The following ATP6V0D1 variants were observed in gnomAD, a reference collection of about 807,000 sequenced individuals.
The protein encoded by ATP6V0D1 is V-type proton ATPase subunit d 1.
A neutral mutation model predicts 39.0 loss-of-function variants in ATP6V0D1; 13 were observed. The ratio of observed to expected loss-of-function variants is 0.33; its 90% CI spans 0.22 to 0.53. The LOEUF is 0.53. ATP6V0D1 is among the 20% of genes least tolerant of loss of function. The probability of loss-of-function intolerance (pLI) is 0.94; values close to 1 mark genes in which losing one functional copy is unlikely to be tolerated. For missense variants in ATP6V0D1, 272 were observed against 470.9 expected, an observed-to-expected ratio of 0.58 and a Z score of 3.91; for synonymous variants, 191 against 191.2, an observed-to-expected ratio of 1.00 and a Z score of 0.01.
Position 67,453,913 on chromosome 16 carries a change from G to A in ATP6V0D1, c.131-198C>T, listed in dbSNP as rs1477869043. Among the ~76,000 whole-genome samples the A allele has an allele frequency of 2.0e-5, 3 of 152,098 alleles. No homozygotes were observed. Among genetic ancestry groups the A allele is most frequent in the Non-Finnish European group, 4.4e-5 (3 of 68,026 alleles). The stretch of plus-strand genomic sequence containing the variant: ...GGCCCTGGAGATGCACCAGATCTTT[G>A]GGCCACAATCCAGCACATGGAGCCC... On this transcript the variant is annotated intron_variant, in intron 1 of 7. Transcript: ENST00000290949. This position sits in a 1 kb window ranked among gnomAD's most constrained non-coding sequence, Gnocchi z 4.1.
At chr16:67,451,974 C>G (rs1035330284) in intron 2 of ATP6V0D1, among the ~76,000 whole-genome samples, 1 of 152,250 alleles carries the variant, frequency 6.6e-6, no homozygotes, top group Non-Finnish European at 1.5e-5. Flanking sequence ...GGGGTCAGGC[C>G]TCCTCTGGCC....
rs911782960 is a variant in ATP6V0D1, at chr16:67,442,235, G to T, written c.561+864C>A. 2.0e-5 allele frequency among the ~76,000 whole-genome samples: 3 copies of T among 152,246 alleles called. No individual in the cohort carries two copies. In the East Asian group the frequency reaches 5.8e-4, roughly 29 times the overall value. On this transcript the variant is annotated intron_variant, in intron 4 of 7. Coordinates refer to ENST00000290949, the MANE Select transcript of ATP6V0D1 (RefSeq NM_004691.5). The stretch of plus-strand genomic sequence containing the variant: ...GCTGCAGCCAAATGTCAGCCAGCTC[G>T]CTCCAACCAGGGCAGGAGAGGACTC...
intron 1 of ATP6V0D1, among the ~76,000 whole-genome samples, chr16:67,462,532 A>T (rs1347813122): frequency 6.6e-6 from 1 of 152,202 alleles, no homozygotes; most frequent in Admixed American, 6.5e-5. Context: ...CTGTGCTCAA[A>T]AGCTGGCCGA....
At chr16:67,470,225 C>T (rs980353728) in intron 1 of ATP6V0D1, among the ~76,000 whole-genome samples, 2 of 152,102 alleles carry the variant, frequency 1.3e-5, no homozygotes, top group African/African-American at 2.4e-5. Context: ...GTTGCAGGGT[C>T]GCACGGTATA....
chr16:67,476,663 C>T (rs910981116), intron 1 of ATP6V0D1, among the ~76,000 whole-genome samples: 1 of 152,090 alleles, frequency 6.6e-6, no homozygotes, highest in African/African-American at 2.4e-5. Flanking sequence ...CCCGATGAAA[C>T]GATGGCTTCA....
At chr16:67,466,789 C>T (rs765303464) in intron 1 of ATP6V0D1, among the ~76,000 whole-genome samples, 3 of 151,728 alleles carry the variant, frequency 2.0e-5, no homozygotes, top group Non-Finnish European at 2.9e-5. Context: ...AGAGTGAGGC[C>T]CTGTCTCAAA....
In ATP6V0D1 at chr16:67,444,512, C is replaced by A; in HGVS notation, c.481+16G>T. 6.3e-7 allele frequency: 1 copy of A among 1,578,086 alleles called. No homozygotes were observed. The highest frequency in any genetic ancestry group is 1.1e-5 in the South Asian group (1 of 88,098). On this transcript the variant is annotated intron_variant, in intron 3 of 7. Coordinates refer to ENST00000290949, the MANE Select transcript of ATP6V0D1 (RefSeq NM_004691.5). The surrounding 1 kb of genome is among the most constrained non-coding windows in gnomAD (Gnocchi z 4.8). ...GACACCACTGCCCACCTCCCATGAC[C>A]ACCACAGCGGCTCACCAAGAGGCGT...
At chr16:67,468,241 A>G (rs1392599673) in intron 1 of ATP6V0D1, among the ~76,000 whole-genome samples, 3 of 152,148 alleles carry the variant, frequency 2.0e-5, no homozygotes. Context: ...GCAGTGGGTC[A>G]TGATCATGCC....
intron 2 of ATP6V0D1, chr16:67,446,030 C>G (rs973240426): frequency 1.8e-5 from 8 of 448,586 alleles, no homozygotes; most frequent in South Asian, 3.1e-5. Flanking sequence ...GGGTCTTGTC[C>G]TAGCTTCTGA....
At chr16:67,461,993 G>C (rs2041292673) in intron 1 of ATP6V0D1, among the ~76,000 whole-genome samples, 1 of 152,166 alleles carries the variant, frequency 6.6e-6, no homozygotes, top group African/African-American at 2.4e-5. Context: ...CATCCTAGGA[G>C]GAAGTCAACT....
In ATP6V0D1 at chr16:67,453,623, T is replaced by C. The variant is rs759428570; in HGVS notation, c.223A>G (p.Lys75Glu). The C allele has an allele frequency of 6.2e-7, 1 of 1,614,196 alleles. No homozygotes were observed. The highest frequency in any genetic ancestry group is 1.1e-5 in the South Asian group (1 of 91,082). ...CGGAACTCCACCACCATCTTCTCCT[T>C]GAGCCGGTCATCGATGACTGACACC... ...LTVSVIDDRL[K>E]EKMVVEFRHM... The change falls in exon 2 of 8, where the codon AAG becomes GAG. Residue 75 changes from lysine to glutamate, a missense_variant. Physicochemically the swap from Lys to Glu is moderately conservative, Grantham distance 56. Transcript: ENST00000290949. The surrounding 1 kb of genome is among the most constrained non-coding windows in gnomAD (Gnocchi z 4.1).
rs200145351 is a variant in ATP6V0D1 at position 67,444,535 on chromosome 16, C to T, written c.474G>A (p.Thr158=). ...ACCACCACAGCGGCTCACCAAGAGG[C>T]GTGTCCACCAGAATGGCATTGTAGA... ...AELYNAILVD[T]PLAAFFQDCI... The change falls in exon 3 of 8, where the codon ACG becomes ACA. Residue 158 remains threonine, a synonymous_variant. Transcript: ENST00000290949. This position sits in a 1 kb window ranked among gnomAD's most constrained non-coding sequence, Gnocchi z 4.8. 4.9e-5 allele frequency: 79 copies of T among 1,596,454 alleles called. No homozygotes were observed. The highest frequency in any genetic ancestry group is 5.8e-5 in the Non-Finnish European group (68 of 1,166,584).
rs540030333 is a variant in ATP6V0D1, at chr16:67,478,472, G to A, written c.130+2485C>T. 3.3e-5 allele frequency among the ~76,000 whole-genome samples: 5 copies of A among 152,154 alleles called. No homozygotes were observed. The East Asian group carries it at 9.7e-4, about 29-fold the overall frequency. On this transcript the variant is annotated intron_variant, in intron 1 of 7. Coordinates refer to ENST00000290949, the MANE Select transcript of ATP6V0D1 (RefSeq NM_004691.5). ...CTAAAAAATACAAAAAAATTAGCTG[G>A]GCATGGTGGCACATGCCTGTAATCC...
chr16:67,480,870 AC>A (rs141369856), intron 1 of ATP6V0D1, 86 bp downstream of exon 1: 14 of 1,544,670 alleles, frequency 9.1e-6, no homozygotes, highest in East Asian at 2.3e-5. Flanking sequence ...GCCCTTCAAG[AC>A]CCCCCCTTCC....
chr16:67,438,537 A>G lies in ATP6V0D1; in HGVS notation c.1047T>C (p.Pro349=). The change falls in exon 8 of 8, where the codon CCT becomes CCC. Residue 349 remains proline, a synonymous_variant. Transcript: ENST00000290949. ...RHRAKIDNYI[P]IF ...GCCTTGGGCCAGGACGCTAGAAGAT[A>G]GGGATGTAGTTGTCGATTTTGGCGC... 3.7e-6 allele frequency: 6 copies of G among 1,614,204 alleles called. No individual in the cohort carries two copies. The highest frequency in any genetic ancestry group is 4.2e-6 in the Non-Finnish European group (5 of 1,180,026).
At chr16:67,458,726 TCTGAC>T (rs2041264293) in intron 1 of ATP6V0D1, among the ~76,000 whole-genome samples, 1 of 152,168 alleles carries the variant, frequency 6.6e-6, no homozygotes, top group South Asian at 2.1e-4. Context: ...CTCTCTGCTG[TCTGAC>T]CTGAACCCCA....
At chr16:67,475,197 G>A (rs2041404968) in intron 1 of ATP6V0D1, among the ~76,000 whole-genome samples, 1 of 152,160 alleles carries the variant, frequency 6.6e-6, no homozygotes, top group Non-Finnish European at 1.5e-5. Flanking sequence ...TCCTTCTAGA[G>A]CTAATCTCTC....
At chr16:67,475,944 C>T (rs2041410834) in intron 1 of ATP6V0D1, among the ~76,000 whole-genome samples, 1 of 152,164 alleles carries the variant, frequency 6.6e-6, no homozygotes, top group Non-Finnish European at 1.5e-5. Context: ...ATATGGGCAT[C>T]CCAGGCCAGA....
chr16:67,442,953 G>T, intron 4 of ATP6V0D1, 146 bp downstream of exon 4: 1 of 817,466 alleles, frequency 1.2e-6, no homozygotes, highest in Non-Finnish European at 2.0e-6. Flanking sequence ...CAGCATGGGA[G>T]CCAGAGAATA....
Sources: allele counts gnomAD v4.1 joint callset (sites outside exome capture counted in the v4.1 genomes callset), GRCh38; gene constraint gnomAD v4.1.1; non-coding constraint Gnocchi (gnomAD v3.1); transcripts MANE v1.5; gene names NCBI Gene and HGNC (gene_info 2026-07-23, HGNC 2026-07-21).